RBFOX2: variants seen among roughly 807,000 people sequenced by gnomAD.
The protein encoded by RBFOX2 is RNA binding protein fox-1 homolog 2.
A neutral mutation model predicts 49.1 loss-of-function variants in RBFOX2; 10 were observed. The ratio of observed to expected loss-of-function variants is 0.20; its 90% CI spans 0.13 to 0.35. The LOEUF is 0.35. RBFOX2 is among the 10% of genes least tolerant of loss of function. RBFOX2 has a pLI of 1.00. For synonymous variants in RBFOX2, 183 were observed against 187.4 expected (o/e 0.98, Z 0.19); for missense variants, 323 against 486.9 (o/e 0.66, Z 3.17).
intron 1 of RBFOX2, among the ~76,000 whole-genome samples, chr22:35,819,117 C>G (rs144947214): frequency 6.6e-6 from 1 of 152,238 alleles, no homozygotes; most frequent in Non-Finnish European, 1.5e-5. Context: ...ATCATAGCTT[C>G]CTCACCAAAT....
chr22:36,027,759 G>A (rs976610602), intron 1 of RBFOX2, among the ~76,000 whole-genome samples: 1 of 151,984 alleles, frequency 6.6e-6, no homozygotes, highest in African/African-American at 2.4e-5. Context: ...GCTCTCTCGA[G>A]GAGTTTTCTT....
At chr22:35,818,804 A>G (rs919563480) in intron 1 of RBFOX2, among the ~76,000 whole-genome samples, 3 of 152,148 alleles carry the variant, frequency 2.0e-5, no homozygotes, top group Non-Finnish European at 4.4e-5. Flanking sequence ...AAAACAAAAC[A>G]AAGAAATAGA....
chr22:35,829,029 C>A (rs772666228), intron 1 of RBFOX2, among the ~76,000 whole-genome samples: 3 of 151,974 alleles, frequency 2.0e-5, no homozygotes, highest in Non-Finnish European at 4.4e-5. Flanking sequence ...CCAGCCTGGG[C>A]GACAGAGCGA....
intron 1 of RBFOX2, among the ~76,000 whole-genome samples, chr22:36,014,669 A>G (rs570670517): frequency 6.6e-6 from 1 of 152,314 alleles, no homozygotes; most frequent in Admixed American, 6.5e-5. Flanking sequence ...TAAGCTTCTC[A>G]TTATTGAAAA....
At chr22:35,835,185 G>C (rs545442862) in intron 1 of RBFOX2, among the ~76,000 whole-genome samples, 1 of 152,146 alleles carries the variant, frequency 6.6e-6, no homozygotes, top group Admixed American at 6.6e-5. Context: ...TTTGACAGTG[G>C]TTTGGAAATG....
chr22:35,875,638 G>A (rs948703303), intron 1 of RBFOX2, among the ~76,000 whole-genome samples: 1 of 150,100 alleles, frequency 6.7e-6, no homozygotes, highest in Non-Finnish European at 1.5e-5. Flanking sequence ...GTGTGTGTGT[G>A]TGTGTGTGTG....
intron 2 of RBFOX2, among the ~76,000 whole-genome samples, chr22:35,809,132 T>C (rs1386747369): frequency 6.6e-6 from 1 of 151,694 alleles, no homozygotes; most frequent in Non-Finnish European, 1.5e-5. Context: ...AAATAAGTGA[T>C]GAGGTTTGGA....
At chr22:35,794,387 G>A (rs1323328014) in intron 2 of RBFOX2, among the ~76,000 whole-genome samples, 3 of 152,058 alleles carry the variant, frequency 2.0e-5, no homozygotes, top group Admixed American at 6.6e-5. Flanking sequence ...GGCCGTGCGC[G>A]GTGGCTCACA....
intron 1 of RBFOX2, among the ~76,000 whole-genome samples, chr22:35,867,476 C>T (rs749014089): frequency 1.1e-4 from 17 of 152,176 alleles, no homozygotes; most frequent in African/African-American, 2.2e-4. Context: ...ATGGGCTTTA[C>T]AATGTATTCT....
intron 1 of RBFOX2, among the ~76,000 whole-genome samples, chr22:35,945,739 A>G (rs1043676555): frequency 2.0e-5 from 3 of 152,168 alleles, no homozygotes. Context: ...GCCTGGCCTC[A>G]AGAAGAGAAA....
At chr22:35,908,372 T>C (rs1281240230) in intron 1 of RBFOX2, among the ~76,000 whole-genome samples, 2 of 152,194 alleles carry the variant, frequency 1.3e-5, no homozygotes, top group Admixed American at 6.5e-5. Context: ...CTACCAAACA[T>C]CATAGCTTAG....
At chr22:35,961,553 C>A (rs956095255) in intron 1 of RBFOX2, 4 of 1,304,084 alleles carry the variant, frequency 3.1e-6, no homozygotes, top group Non-Finnish European at 4.0e-6. Context: ...ACACCCAACT[C>A]CCCACCAACC....
chr22:36,008,190 C>G (rs2058688182), intron 1 of RBFOX2, among the ~76,000 whole-genome samples: 1 of 152,130 alleles, frequency 6.6e-6, no homozygotes, highest in South Asian at 2.1e-4. Flanking sequence ...ATTGTGTTAT[C>G]AAATTTTTAT....
chr22:35,934,274 A>G (rs966829058), intron 1 of RBFOX2, among the ~76,000 whole-genome samples: 6 of 152,126 alleles, frequency 3.9e-5, no homozygotes, highest in African/African-American at 9.7e-5. Flanking sequence ...TCTTGACCTC[A>G]TATCAGGAAA....
At chr22:35,837,409 C>T (rs868116136) in intron 1 of RBFOX2, among the ~76,000 whole-genome samples, 14 of 152,198 alleles carry the variant, frequency 9.2e-5, no homozygotes, top group Middle Eastern at 6.8e-3. Context: ...CCAGGCCTAA[C>T]CACCAGTATA....
chr22:35,935,627 T>C lies in RBFOX2; in HGVS notation c.-34+3220A>G, dbSNP rs533959497. Among the ~76,000 whole-genome samples the C allele has an allele frequency of 1.2e-3, 182 of 152,336 alleles. 1 individual carries two copies. The highest frequency in any genetic ancestry group is 1.9e-3 in the Non-Finnish European group (132 of 68,032). ...TAATCAGGAGTCACAGACTTCTACA[T>C]CTGTGGTTGAGCTTGAAGAAGTCTA... On this transcript the variant is annotated intron_variant, in intron 1 of 13. Coordinates refer to the RBFOX2 transcript ENST00000359369.
upstream of RBFOX2, among the ~76,000 whole-genome samples, chr22:35,964,817 C>A (rs1415008130): frequency 1.3e-5 from 2 of 152,176 alleles, no homozygotes; most frequent in Non-Finnish European, 2.9e-5. Flanking sequence ...ACAACATACA[C>A]CCTGTTGTAA....
rs116275591 is a variant in RBFOX2, at chr22:35,751,575, C to T, written c.888-5014G>A. 3.2e-3 allele frequency among the ~76,000 whole-genome samples: 480 copies of T among 152,218 alleles called. 1 individual carries two copies. Among genetic ancestry groups the T allele is most frequent in the African/African-American group, 0.011 (447 of 41,526 alleles). ...CCTCTTTTTCCTCACCACCTCCCCA[C>T]CCCTGCTAAGAACCATGGTTCTAGG... On this transcript the variant is annotated intron_variant, in intron 9 of 11. Transcript: ENST00000405409.
At chr22:35,869,445 C>T (rs2044081742) in intron 1 of RBFOX2, among the ~76,000 whole-genome samples, 1 of 131,854 alleles carries the variant, frequency 7.6e-6, no homozygotes, top group East Asian at 2.2e-4. Context: ...AGGCATGAGC[C>T]ACCACACCCA....
Sources: gnomAD v4.1 joint callset for allele counts (sites outside exome capture counted in the v4.1 genomes callset) on GRCh38, gnomAD v4.1.1 for gene constraint, MANE v1.5 for transcripts, NCBI Gene and HGNC (gene_info 2026-07-23, HGNC 2026-07-21) for gene names.